Variants in EMILIN2 observed in about 807,000 individuals in gnomAD.
The protein encoded by EMILIN2 is elastin microfibril interfacer 2.
EMILIN2 carries 71 observed loss-of-function variants against 87.1 expected under a neutral mutation model. The ratio of observed to expected loss-of-function variants is 0.82; its 90% CI spans 0.67 to 0.99. The LOEUF is 0.99. EMILIN2 is among the 50% of genes least tolerant of loss of function. EMILIN2 has a pLI of 0.00. For missense variants in EMILIN2, 1,407 were observed against 1,371.8 expected, an observed-to-expected ratio of 1.03 and a Z score of -0.40; for synonymous variants, 581 against 563.4, an observed-to-expected ratio of 1.03 and a Z score of -0.44.
chr18:2,900,858 G>C (rs2076885479), intron 4 of EMILIN2, among the ~76,000 whole-genome samples: 1 of 152,058 alleles, frequency 6.6e-6, no homozygotes, highest in African/African-American at 2.4e-5. Flanking sequence ...TCAGCACTTT[G>C]ATGCTTTTTT....
At chr18:2,851,180 G>A (rs79357438) in intron 2 of EMILIN2, among the ~76,000 whole-genome samples, 9,096 of 151,742 alleles carry the variant, frequency 0.06, 894 homozygotes, top group African/African-American at 0.2. Flanking sequence ...GCTCTTGCCT[G>A]TAATCCCAAC....
At position 2,890,412 on chromosome 18, in the gene EMILIN2, C is replaced by A; in HGVS notation, c.434-149C>A. 1.1e-6 allele frequency: 1 copy of A among 876,772 alleles called. No individual in the cohort carries two copies. The highest frequency in any genetic ancestry group is 1.7e-6 in the Non-Finnish European group (1 of 599,614). 54.3% of individuals were successfully genotyped at this position (876,772 alleles called of 1,614,324 possible). The stretch of plus-strand genomic sequence containing the variant: ...TTGACTACAAAGCCCATACTCTTTT[C>A]TACTGTACCACAGTACTTACCTACA... On this transcript the variant is annotated intron_variant, in intron 3 of 7. Transcript: ENST00000254528. The surrounding 1 kb of genome is among the most constrained non-coding windows in gnomAD (Gnocchi z 4.7).
intron 3 of EMILIN2, among the ~76,000 whole-genome samples, chr18:2,887,801 T>C (rs1445452857): frequency 1.3e-5 from 2 of 152,136 alleles, no homozygotes. Context: ...AAAATACTAT[T>C]TTTACAACTT....
chr18:2,865,879 C>A (rs1177490960), intron 2 of EMILIN2, among the ~76,000 whole-genome samples: 1 of 152,238 alleles, frequency 6.6e-6, no homozygotes, highest in Admixed American at 6.5e-5. Flanking sequence ...TTCCCAGACG[C>A]TTTGTTTACC....
chr18:2,899,656 C>A (rs1174509532), intron 4 of EMILIN2, among the ~76,000 whole-genome samples: 1 of 152,096 alleles, frequency 6.6e-6, no homozygotes, highest in Non-Finnish European at 1.5e-5. Context: ...AGGCGCCCAC[C>A]ACCACGACCC....
At position 2,891,280 on chromosome 18, in the gene EMILIN2, G is replaced by A; in HGVS notation, c.1153G>A (p.Ala385Thr). 6.2e-7 allele frequency: 1 copy of A among 1,614,172 alleles called. No homozygotes were observed. ...GAGAAAAGAAATAAATAACCTCCGA[G>A]CCCGGCTACAGGAGCCTTCAGCCCA... ...SLRKEINNLR[A>T]RLQEPSAQAN... Residue 385 changes from alanine to threonine, a missense_variant, in exon 4 of 8, where the codon GCC becomes ACC. Physicochemically the swap from Ala to Thr is moderately conservative, Grantham distance 58. Transcript: ENST00000254528. This position sits in a 1 kb window ranked among gnomAD's most constrained non-coding sequence, Gnocchi z 4.6.
In EMILIN2 at chr18:2,848,788, GTTGT is replaced by G. The variant is rs1374153379; in HGVS notation, c.257+862_257+865del. The stretch of plus-strand genomic sequence containing the variant: ...ATTAATTGTTTTCCACTAAGAATAA[GTTGT>G]TTGTCTTAGAGCACAGTTGTCATTA... On this transcript the variant is annotated intron_variant, in intron 2 of 7. Coordinates refer to ENST00000254528, the MANE Select transcript of EMILIN2 (RefSeq NM_032048.3). This position sits in a 1 kb window ranked among gnomAD's most constrained non-coding sequence, Gnocchi z 4.1. Among the ~76,000 whole-genome samples the G allele has an allele frequency of 1.3e-5, 2 of 152,158 alleles. No individual in the cohort carries two copies. The highest frequency in any genetic ancestry group is 2.1e-4 in the South Asian group (1 of 4,828).
chr18:2,872,574 A>G (rs1482140604), intron 2 of EMILIN2, among the ~76,000 whole-genome samples: 1 of 152,196 alleles, frequency 6.6e-6, no homozygotes, highest in African/African-American at 2.4e-5. Flanking sequence ...AGCTAAAATG[A>G]TGTGATACAG....
At chr18:2,884,915 G>T in intron 2 of EMILIN2, 49 bp from the exon 3 acceptor site, 1 of 1,530,386 alleles carries the variant, frequency 6.5e-7, no homozygotes, top group Non-Finnish European at 8.8e-7. Context: ...GCCGGAAGTT[G>T]CTTGTAACGG....
intron 2 of EMILIN2, among the ~76,000 whole-genome samples, chr18:2,853,162 G>A (rs2076609864): frequency 6.6e-6 from 1 of 152,158 alleles, no homozygotes; most frequent in Non-Finnish European, 1.5e-5. Flanking sequence ...GTCTAAGGGT[G>A]GTTTTCCCCT....
chr18:2,909,792 G>T lies in EMILIN2; in HGVS notation c.2797G>T (p.Asp933Tyr). Reference sequence around the variant, plus strand: ...CCTCTTTAACAAAGTGCTGGTGAACGACGGGGATGTTTACAACCCCAGCAC... The same window carrying T: ...CCTCTTTAACAAAGTGCTGGTGAACTACGGGGATGTTTACAACCCCAGCAC... ...VVLFNKVLVN[D>Y]GDVYNPSTGV... The change falls in exon 7 of 8, where the codon GAC becomes TAC. Residue 933 changes from aspartate to tyrosine, a missense_variant. Transcript: ENST00000254528. The T allele has an allele frequency of 6.2e-7, 1 of 1,613,562 alleles. No homozygotes were observed. Among genetic ancestry groups the T allele is most frequent in the East Asian group, 2.2e-5 (1 of 44,824 alleles).
chr18:2,866,446 T>A (rs910743941), intron 2 of EMILIN2, among the ~76,000 whole-genome samples: 1 of 152,240 alleles, frequency 6.6e-6, no homozygotes, highest in Non-Finnish European at 1.5e-5. Flanking sequence ...TTGTATCTAT[T>A]GTAAAAGGGG....
At position 2,890,991 on chromosome 18, in the gene EMILIN2, G is replaced by A. The variant is rs1330343742; in HGVS notation, c.864G>A (p.Lys288=). 6.2e-7 allele frequency: 1 copy of A among 1,614,232 alleles called. No individual in the cohort carries two copies. The highest frequency in any genetic ancestry group is 8.5e-7 in the Non-Finnish European group (1 of 1,180,044). The change falls in exon 4 of 8, where the codon AAG becomes AAA. Residue 288 remains lysine, a synonymous_variant. Transcript: ENST00000254528. The surrounding 1 kb of genome is among the most constrained non-coding windows in gnomAD (Gnocchi z 4.7). ...TGGAAGAGCTGGATGGAAAAGTGAA[G>A]GGCTACGAAGGGCAGCTCAGACAGC... The part of the protein sequence containing the change: ...DKLEELDGKV[K]GYEGQLRQLQ...
At chr18:2,905,440 T>G (rs2076905913) in intron 4 of EMILIN2, among the ~76,000 whole-genome samples, 2 of 152,062 alleles carry the variant, frequency 1.3e-5, no homozygotes, top group Non-Finnish European at 2.9e-5. Flanking sequence ...TGTATAATAA[T>G]CGGGGTAATA....
At chr18:2,864,318 A>G (rs1486594396) in intron 2 of EMILIN2, among the ~76,000 whole-genome samples, 2 of 152,074 alleles carry the variant, frequency 1.3e-5, no homozygotes, top group African/African-American at 4.8e-5. Flanking sequence ...CCTAGCCTTG[A>G]TGGTCTTTAC....
chr18:2,860,380 C>T (rs904369028), intron 2 of EMILIN2, among the ~76,000 whole-genome samples: 3 of 152,156 alleles, frequency 2.0e-5, no homozygotes, highest in African/African-American at 4.8e-5. Context: ...AATGCTATCC[C>T]TCCCACTTCC....
At chr18:2,861,019 G>A (rs2076658275) in intron 2 of EMILIN2, among the ~76,000 whole-genome samples, 1 of 152,152 alleles carries the variant, frequency 6.6e-6, no homozygotes, top group African/African-American at 2.4e-5. Flanking sequence ...GTGTCTTTTG[G>A]CTGCATAAAT....
chr18:2,911,093 G>A (rs1388598567), intron 7 of EMILIN2, among the ~76,000 whole-genome samples: 1 of 151,158 alleles, frequency 6.6e-6, no homozygotes, highest in African/African-American at 2.5e-5. Context: ...GAGGCAGAGT[G>A]AGACTGAGGC....
Position 2,907,093 on chromosome 18 carries a change from CCGGGGCTGCGCGGGGAGGAGCG to C in EMILIN2, c.2662+16_2662+37del. The C allele has an allele frequency of 9.7e-6, 12 of 1,237,326 alleles. No individual in the cohort carries two copies. The highest frequency in any genetic ancestry group is 1.1e-5 in the Non-Finnish European group (11 of 991,596). The allele number at this position is 1,237,326 out of a possible 1,614,324, so 76.6% of individuals were successfully genotyped here. ...GCTTCGCGGGCGCACCAGGTGAGGC[CCGGGGCTGCGCGGGGAGGAGCG>C]CGGGGCTCTCCCGGAACTTCCGCCT... is the stretch of plus-strand genomic sequence containing the variant. On this transcript the variant is annotated intron_variant, in intron 5 of 7. Transcript: ENST00000254528.
Sources: gnomAD v4.1 joint callset for allele counts (sites outside exome capture counted in the v4.1 genomes callset) on GRCh38, gnomAD v4.1.1 for gene constraint, Gnocchi (gnomAD v3.1) non-coding constraint, MANE v1.5 for transcripts, NCBI Gene and HGNC (gene_info 2026-07-23, HGNC 2026-07-21) for gene names.